The following CDH18 variants were observed in gnomAD, a reference collection of about 807,000 sequenced individuals.
The protein encoded by CDH18 is cadherin 18.
In CDH18, 31 loss-of-function variants were observed where a neutral mutation model predicts 67.9. That is an observed-to-expected ratio of 0.46 (90% CI 0.34 to 0.62). The LOEUF is 0.62. CDH18 is among the 20% of genes least tolerant of loss of function. The probability of loss-of-function intolerance (pLI) is 0.01; values close to 1 mark genes in which losing one functional copy is unlikely to be tolerated. For synonymous variants in CDH18, 362 were observed against 347.2 expected (o/e 1.04, Z -0.48); for missense variants, 890 against 975.5 (o/e 0.91, Z 1.17).
chr5:19,629,836 A>G (rs996465610), intron 5 of CDH18, among the ~76,000 whole-genome samples: 2 of 152,236 alleles, frequency 1.3e-5, no homozygotes, highest in Admixed American at 1.3e-4. Flanking sequence ...TCATTTACAT[A>G]TAATTAGAAA....
At chr5:20,407,900 A>C (rs1746428525) in intron 1 of CDH18, among the ~76,000 whole-genome samples, 1 of 152,040 alleles carries the variant, frequency 6.6e-6, no homozygotes, top group Non-Finnish European at 1.5e-5. Flanking sequence ...TCTAATTCAG[A>C]AATCCTAAAA....
chr5:20,275,873 G>C (rs768755534), intron 1 of CDH18, among the ~76,000 whole-genome samples: 27 of 152,050 alleles, frequency 1.8e-4, no homozygotes, highest in African/African-American at 6.3e-4. Context: ...TTTGCTTTTG[G>C]GGGAGGGAGA....
intron 9 of CDH18, among the ~76,000 whole-genome samples, chr5:19,541,644 G>A (rs996185076): frequency 6.6e-6 from 1 of 152,178 alleles, no homozygotes; most frequent in Non-Finnish European, 1.5e-5. Flanking sequence ...AGGCAAGAGA[G>A]AGCGTGTGCA....
intron 8 of CDH18, among the ~76,000 whole-genome samples, chr5:19,561,438 C>T (rs928978532): frequency 6.6e-6 from 1 of 151,984 alleles, no homozygotes; most frequent in African/African-American, 2.4e-5. Context: ...TTTTCTCACT[C>T]ATAAGTGGGA....
intron 12 of CDH18, 83 bp downstream of exon 12, chr5:19,483,218 T>C: frequency 7.3e-7 from 1 of 1,367,918 alleles, no homozygotes; most frequent in East Asian, 2.3e-5. Context: ...ACATTATGGA[T>C]GCCTAATCCT....
chr5:20,555,378 G>A (rs2388427), intron 1 of CDH18, among the ~76,000 whole-genome samples: 59,247 of 128,216 alleles, frequency 0.46, 13,172 homozygotes, highest in East Asian at 0.59. Context: ...TCCAAGCTAA[G>A]ACAAGCCAGA....
intron 2 of CDH18, among the ~76,000 whole-genome samples, chr5:20,246,419 C>T (rs148652296): frequency 2.0e-5 from 3 of 151,968 alleles, no homozygotes; most frequent in South Asian, 2.1e-4. Context: ...TTTATTTATT[C>T]GAAACTCTTT....
intron 1 of CDH18, among the ~76,000 whole-genome samples, chr5:20,346,745 G>A (rs1740732246): frequency 6.6e-6 from 1 of 152,222 alleles, no homozygotes; most frequent in East Asian, 1.9e-4. Flanking sequence ...AGGTCTTATA[G>A]CCTTGAGTGT....
At chr5:19,903,228 TTTAA>T (rs1790132003) in intron 2 of CDH18, among the ~76,000 whole-genome samples, 1 of 151,764 alleles carries the variant, frequency 6.6e-6, no homozygotes, top group East Asian at 1.9e-4. Context: ...TAAATTAATT[TTTAA>T]TTAAAGGGGA....
intron 2 of CDH18, among the ~76,000 whole-genome samples, chr5:20,005,896 G>C (rs190314008): frequency 6.9e-4 from 105 of 152,058 alleles, no homozygotes; most frequent in East Asian, 6.6e-3. Context: ...GACGTGTTTG[G>C]AGAACGACCA....
chr5:19,674,319 A>T (rs190744926), intron 5 of CDH18, among the ~76,000 whole-genome samples: 1 of 152,240 alleles, frequency 6.6e-6, no homozygotes, highest in Admixed American at 6.5e-5. Context: ...AAACCAAAGA[A>T]ATTTAAAAAG....
At chr5:19,935,248 A>T (rs13182252) in intron 2 of CDH18, among the ~76,000 whole-genome samples, 140,929 of 151,064 alleles carry the variant, frequency 0.93, 65,892 homozygotes, top group South Asian at 0.99. Flanking sequence ...GAAAGATGAG[A>T]ATTAACAGGT....
At chr5:20,396,224 C>A (rs1333808277) in intron 1 of CDH18, among the ~76,000 whole-genome samples, 1 of 152,050 alleles carries the variant, frequency 6.6e-6, no homozygotes, top group Non-Finnish European at 1.5e-5. Context: ...TATCTGACAA[C>A]TGCAGGCTGA....
At chr5:20,407,875 A>G (rs967330631) in intron 1 of CDH18, among the ~76,000 whole-genome samples, 1 of 152,064 alleles carries the variant, frequency 6.6e-6, no homozygotes, top group Non-Finnish European at 1.5e-5. Context: ...CCTAATCCCA[A>G]TGAAGAAATG....
At chr5:19,734,560 C>T (rs1332881313) in intron 4 of CDH18, among the ~76,000 whole-genome samples, 1 of 151,958 alleles carries the variant, frequency 6.6e-6, no homozygotes, top group African/African-American at 2.4e-5. Context: ...TCGGATTGCA[C>T]AGATTAAAAA....
intron 10 of CDH18, among the ~76,000 whole-genome samples, chr5:19,515,152 T>G (rs1432389570): frequency 6.6e-6 from 1 of 152,060 alleles, no homozygotes; most frequent in East Asian, 1.9e-4. Context: ...AATCAGTTGG[T>G]TGTAGATGTT....
intron 3 of CDH18, among the ~76,000 whole-genome samples, chr5:19,754,647 C>T (rs953711550): frequency 2.0e-5 from 3 of 152,072 alleles, no homozygotes; most frequent in African/African-American, 7.2e-5. Flanking sequence ...TAAACTATAC[C>T]TTGGAACAAA....
At chr5:19,717,538 A>G (rs1216811206) in intron 5 of CDH18, among the ~76,000 whole-genome samples, 1 of 152,050 alleles carries the variant, frequency 6.6e-6, no homozygotes, top group Non-Finnish European at 1.5e-5. Context: ...TGTAGTCACC[A>G]CCTGACAAAA....
intron 5 of CDH18, among the ~76,000 whole-genome samples, chr5:19,679,375 TC>T (rs1484383392): frequency 1.3e-5 from 2 of 151,754 alleles, no homozygotes; most frequent in East Asian, 3.9e-4. Context: ...CTAAAAAAAT[TC>T]CCCTTGAAAA....
Sources: allele counts gnomAD v4.1 joint callset (sites outside exome capture counted in the v4.1 genomes callset), GRCh38; gene constraint gnomAD v4.1.1; transcripts MANE v1.5; gene names NCBI Gene and HGNC (gene_info 2026-07-23, HGNC 2026-07-21).